PPP6C: variants seen among roughly 807,000 people sequenced by gnomAD.
The protein encoded by PPP6C is protein phosphatase 6 catalytic subunit.
PPP6C carries 11 observed loss-of-function variants against 39.8 expected under a neutral mutation model. That is an observed-to-expected ratio of 0.28 (90% CI 0.17 to 0.46). PPP6C has a LOEUF of 0.46. PPP6C is among the 20% of genes least tolerant of loss of function. The pLI, the probability that PPP6C is intolerant of heterozygous loss-of-function variation, is 1.00. For missense variants in PPP6C, 211 were observed against 373.9 expected (o/e 0.56, Z 3.59); for synonymous variants, 129 against 130.3 (o/e 0.99, Z 0.07).
intron 2 of PPP6C, among the ~76,000 whole-genome samples, chr9:125,163,116 A>G (rs1828924060): frequency 6.6e-6 from 1 of 151,260 alleles, no homozygotes; most frequent in South Asian, 2.1e-4. Context: ...TTAAAACATC[A>G]AAAGAAACAG....
Position 125,147,446 on chromosome 9 carries a change from G to A in PPP6C, c.*2227C>T, listed in dbSNP as rs762191058. The A allele has an allele frequency of 6.6e-6, 1 of 151,982 alleles. No homozygotes were observed. Among genetic ancestry groups the A allele is most frequent in the Non-Finnish European group, 1.5e-5 (1 of 68,008 alleles). The allele number at this position is 151,982 out of a possible 1,614,324, so 9.4% of individuals were successfully genotyped here. A position where few individuals can be genotyped will look rare whatever the true frequency, so the allele number is the denominator to read the frequency against. Reference sequence around the variant, plus strand: ...AGTACATAGCCCTTATTTATTGGAGGGATCCAAAATATTCCTTGTAGGCTC... The same window carrying A: ...AGTACATAGCCCTTATTTATTGGAGAGATCCAAAATATTCCTTGTAGGCTC... On this transcript the variant is annotated 3_prime_UTR_variant, in exon 7 of 7. Transcript: ENST00000373547.
chr9:125,165,508 T>C (rs1401708429), intron 2 of PPP6C, among the ~76,000 whole-genome samples: 4 of 152,218 alleles, frequency 2.6e-5, no homozygotes, highest in Non-Finnish European at 4.4e-5. Flanking sequence ...AGAATTCACA[T>C]TGTTTTACAT....
chr9:125,154,842 T>C (rs998550451), intron 4 of PPP6C, among the ~76,000 whole-genome samples: 1 of 152,174 alleles, frequency 6.6e-6, no homozygotes, highest in Non-Finnish European at 1.5e-5. Flanking sequence ...TGAGGACAGA[T>C]TGCCAATCAG....
chr9:125,177,859 T>C (rs141913199), intron 1 of PPP6C, among the ~76,000 whole-genome samples: 3 of 152,346 alleles, frequency 2.0e-5, no homozygotes, highest in African/African-American at 7.2e-5. Flanking sequence ...ACTGTCTCTA[T>C]AGTTTTGCCT....
rs192183178 is a variant in PPP6C at position 125,155,899 on chromosome 9, C to T, written c.380-1914G>A. ...CAGCCTGGGTGACAGAGCGAGACTC[C>T]GTCTCAAAAAAAAAAAAAAAAAAAA... On this transcript the variant is annotated intron_variant, in intron 4 of 6. Coordinates refer to ENST00000373547, the MANE Select transcript of PPP6C (RefSeq NM_002721.5). Among the ~76,000 whole-genome samples, 29 of 132,336 alleles carry T rather than the reference C, an allele frequency of 2.2e-4. No individual in the cohort carries two copies. The East Asian group carries it at 3.4e-3, about 16-fold the overall frequency. 86.8% of individuals were successfully genotyped at this position (132,336 alleles called of 152,430 possible).
intron 2 of PPP6C, among the ~76,000 whole-genome samples, chr9:125,163,598 T>C (rs1399097943): frequency 6.6e-6 from 1 of 151,666 alleles, no homozygotes; most frequent in Non-Finnish European, 1.5e-5. Flanking sequence ...CCCCAGCTAA[T>C]TTATGTATTT....
At chr9:125,154,386 T>C (rs557940738) in intron 4 of PPP6C, among the ~76,000 whole-genome samples, 1 of 152,306 alleles carries the variant, frequency 6.6e-6, no homozygotes, top group South Asian at 2.1e-4. Flanking sequence ...AGTAACACAA[T>C]GGTAAGTATT....
Position 125,189,564 on chromosome 9 carries a change from G to A in PPP6C, c.75+80C>T, listed in dbSNP as rs751487478. 22 of 1,598,540 alleles carry A rather than the reference G, an allele frequency of 1.4e-5. No individual in the cohort carries two copies. The highest frequency in any genetic ancestry group is 2.2e-5 in the East Asian group (1 of 44,450). On this transcript the variant is annotated intron_variant, in intron 1 of 6. Transcript: ENST00000373547. ...TCCACCGCGACTGGACTGGATACCC[G>A]GCGGGGGTCCTGGAGAAAGGAAGGG...
chr9:125,180,201 T>A (rs1352467855), intron 1 of PPP6C, among the ~76,000 whole-genome samples: 1 of 152,120 alleles, frequency 6.6e-6, no homozygotes, highest in African/African-American at 2.4e-5. Flanking sequence ...AATCACAACC[T>A]TGACCACAAC....
intron 6 of PPP6C, chr9:125,150,677 C>T (rs1588270225): frequency 2.1e-6 from 2 of 968,234 alleles, no homozygotes; most frequent in African/African-American, 1.7e-5. Flanking sequence ...TCAGCGGCAG[C>T]TCCCACCAGG....
Position 125,189,028 on chromosome 9 carries a change from A to G in PPP6C, c.75+616T>C, listed in dbSNP as rs369391219. On this transcript the variant is annotated intron_variant, in intron 1 of 6. Transcript: ENST00000373547. ...TTTATCCACTTCAGTAAGCTCAACA[A>G]CATACTCAGAAACGGGATTCACCTC... The G allele has an allele frequency of 6.7e-5, 71 of 1,062,746 alleles. 1 individual carries two copies. The East Asian group carries it at 1.2e-3, about 18-fold the overall frequency. 65.8% of individuals were successfully genotyped at this position (1,062,746 alleles called of 1,614,324 possible).
chr9:125,182,462 C>G (rs950905825), intron 1 of PPP6C, among the ~76,000 whole-genome samples: 7 of 152,068 alleles, frequency 4.6e-5, no homozygotes, highest in Non-Finnish European at 7.4e-5. Context: ...GGCAACATAG[C>G]AAAACCTCAT....
chr9:125,161,868 G>A (rs553852416), intron 2 of PPP6C, among the ~76,000 whole-genome samples: 32 of 152,184 alleles, frequency 2.1e-4, no homozygotes, highest in African/African-American at 6.7e-4. Context: ...GAAGAAAAAC[G>A]ATTTTGGATT....
chr9:125,168,962 T>C (rs137964492), intron 2 of PPP6C, among the ~76,000 whole-genome samples: 3,288 of 152,098 alleles, frequency 0.022, 115 homozygotes, highest in African/African-American at 0.075. Context: ...GGTTTCACCA[T>C]GTTGGCTAGG....
intron 6 of PPP6C, chr9:125,150,918 T>C (rs1835920386): frequency 1.0e-6 from 1 of 997,918 alleles, no homozygotes; most frequent in Non-Finnish European, 1.6e-6. Context: ...AGTCATCCCA[T>C]GCTTCCCTTA....
chr9:125,174,325 A>G (rs999816457), intron 1 of PPP6C, among the ~76,000 whole-genome samples: 9 of 152,064 alleles, frequency 5.9e-5, no homozygotes, highest in Non-Finnish European at 1.0e-4. Flanking sequence ...GGGAGGGGGG[A>G]AAAAAGGGCT....
chr9:125,155,305 T>C (rs12238003), intron 4 of PPP6C, among the ~76,000 whole-genome samples: 2,300 of 152,150 alleles, frequency 0.015, 109 homozygotes, highest in Admixed American at 0.082. Context: ...AAACCTGACA[T>C]ATCACTATTG....
chr9:125,173,404 CA>C (rs1157793278), intron 1 of PPP6C, among the ~76,000 whole-genome samples: 3,349 of 50,818 alleles, frequency 0.066, 38 homozygotes, highest in East Asian at 0.17. Flanking sequence ...GACTCCCTCT[CA>C]AAAAAAAAAA....
At chr9:125,171,470 CACACACACATATATATAT>C (rs958896771) in intron 1 of PPP6C, among the ~76,000 whole-genome samples, 3 of 24,700 alleles carry the variant, frequency 1.2e-4, no homozygotes, top group African/African-American at 4.4e-4. Flanking sequence ...TACACACACA[CACACACACATATATATAT>C]ATATATATAT....
Sources: allele counts gnomAD v4.1 joint callset (sites outside exome capture counted in the v4.1 genomes callset), GRCh38; gene constraint gnomAD v4.1.1; transcripts MANE v1.5; gene names NCBI Gene and HGNC (gene_info 2026-07-23, HGNC 2026-07-21).